The following TTLL5 variants were observed in gnomAD, a reference collection of about 807,000 sequenced individuals.
TTLL5 encodes tubulin polyglutamylase TTLL5.
In TTLL5, 132 loss-of-function variants were observed where a neutral mutation model predicts 168.4. The observed-to-expected ratio is 0.78, with a 90% confidence interval of 0.68 to 0.91. The LOEUF (loss-of-function observed/expected upper bound fraction) is 0.91. Ranked by LOEUF, TTLL5 falls within the 40% of genes least tolerant of loss-of-function variation. The pLI, the probability that TTLL5 is intolerant of heterozygous loss-of-function variation, is 0.00. For synonymous variants in TTLL5, 546 were observed against 558.6 expected (o/e 0.98, Z 0.32); for missense variants, 1,545 against 1,581.5 (o/e 0.98, Z 0.39).
chr14:75,876,823 T>C (rs1249379339), intron 29 of TTLL5, among the ~76,000 whole-genome samples: 2 of 152,220 alleles, frequency 1.3e-5, no homozygotes, highest in African/African-American at 4.8e-5. Flanking sequence ...TTACTCTCAC[T>C]CTCACCTTGG....
At chr14:75,949,935 A>C (rs1374263441) in intron 31 of TTLL5, among the ~76,000 whole-genome samples, 1 of 152,134 alleles carries the variant, frequency 6.6e-6, no homozygotes, top group African/African-American at 2.4e-5. Context: ...AGAGGGTATT[A>C]GTTGTTTATT....
intron 27 of TTLL5, among the ~76,000 whole-genome samples, chr14:75,807,314 G>A (rs577894029): frequency 6.6e-6 from 1 of 152,230 alleles, no homozygotes; most frequent in African/African-American, 2.4e-5. Context: ...CAGGTGCGGT[G>A]GCACGTGCCT....
chr14:75,783,187 T>C lies in TTLL5; in HGVS notation c.2643T>C (p.Tyr881=), dbSNP rs1449880460. The C allele has an allele frequency of 6.2e-7, 1 of 1,613,484 alleles. No individual in the cohort carries two copies. ...CAGAAAAAGAGGCAAAATTAGTTTATAGCAATTCCTCCTCTGGTCCTACTG... is the reference window on the plus strand; with the variant it reads ...CAGAAAAAGAGGCAAAATTAGTTTACAGCAATTCCTCCTCTGGTCCTACTG... ...TSAEKEAKLV[Y]SNSSSGPTAT... Residue 881 remains tyrosine (Y), a synonymous_variant, in exon 26 of 32, where the codon TAT becomes TAC. Coordinates refer to ENST00000298832, the MANE Select transcript of TTLL5 (RefSeq NM_015072.5).
chr14:75,811,430 AT>A (rs1305076074), intron 27 of TTLL5, among the ~76,000 whole-genome samples: 2 of 151,830 alleles, frequency 1.3e-5, no homozygotes, highest in African/African-American at 4.8e-5. Flanking sequence ...TTGTCTGACG[AT>A]TTTTCTTTCC....
chr14:75,953,636 A>G (rs955797550), intron 31 of TTLL5, among the ~76,000 whole-genome samples: 8 of 152,178 alleles, frequency 5.3e-5, no homozygotes, highest in Non-Finnish European at 1.0e-4. Flanking sequence ...TTCTTAAACT[A>G]GATGGTGAGC....
chr14:75,877,508 C>T (rs2031559615), intron 29 of TTLL5, among the ~76,000 whole-genome samples: 1 of 152,146 alleles, frequency 6.6e-6, no homozygotes, highest in African/African-American at 2.4e-5. Context: ...TTCTCTGAGT[C>T]TTCTTGCTGT....
At chr14:75,834,229 T>A (rs1895750147) in intron 28 of TTLL5, among the ~76,000 whole-genome samples, 1 of 151,830 alleles carries the variant, frequency 6.6e-6, no homozygotes, top group African/African-American at 2.4e-5. Flanking sequence ...ATGGCGGAGA[T>A]TTGTGCAAAG....
intron 12 of TTLL5, among the ~76,000 whole-genome samples, chr14:75,730,586 A>G (rs534500196): frequency 6.6e-6 from 1 of 152,312 alleles, no homozygotes; most frequent in East Asian, 1.9e-4. Flanking sequence ...ATACTGCCAT[A>G]TATCTGTAAA....
At chr14:75,680,605 T>A (rs1241158270) in intron 3 of TTLL5, among the ~76,000 whole-genome samples, 1 of 150,320 alleles carries the variant, frequency 6.7e-6, no homozygotes, top group African/African-American at 2.5e-5. Flanking sequence ...GAGGGCTATC[T>A]AGAGCAGGGA....
At chr14:75,862,720 C>T (rs1250958882) in intron 28 of TTLL5, among the ~76,000 whole-genome samples, 1 of 151,954 alleles carries the variant, frequency 6.6e-6, no homozygotes, top group Non-Finnish European at 1.5e-5. Context: ...GTGGGCAGAT[C>T]GCTTGAGCCC....
At chr14:75,893,364 A>C (rs1261196561) in intron 30 of TTLL5, among the ~76,000 whole-genome samples, 1 of 152,238 alleles carries the variant, frequency 6.6e-6, no homozygotes, top group Non-Finnish European at 1.5e-5. Flanking sequence ...AGAAGTCTAA[A>C]TATTACCAGG....
rs185887904 is a variant in TTLL5, at chr14:75,695,620, C to T, written c.503-3568C>T. Among the ~76,000 whole-genome samples, 112 of 152,282 alleles carry T rather than the reference C, an allele frequency of 7.4e-4. No individual in the cohort carries two copies. In the Middle Eastern group the frequency reaches 0.017, roughly 23 times the overall value. ...CCTGGACACCAGCTTTAAAATTTCT[C>T]TCTTTTGTACTCTTTCCCTTTATTT... is the stretch of plus-strand genomic sequence containing the variant. On this transcript the variant is annotated intron_variant, in intron 6 of 31. Coordinates refer to ENST00000298832, the MANE Select transcript of TTLL5 (RefSeq NM_015072.5).
intron 17 of TTLL5, among the ~76,000 whole-genome samples, chr14:75,750,460 G>A (rs542059286): frequency 8.1e-5 from 12 of 148,968 alleles, no homozygotes; most frequent in South Asian, 4.4e-4. Context: ...CTGCCACCCC[G>A]AGACAGCAAC....
At chr14:75,919,459 A>C (rs1379665682) in intron 31 of TTLL5, among the ~76,000 whole-genome samples, 2 of 152,196 alleles carry the variant, frequency 1.3e-5, no homozygotes, top group Non-Finnish European at 2.9e-5. Flanking sequence ...CTTATATATC[A>C]AATAGCCAAT....
At chr14:75,842,206 C>T (rs1896297108) in intron 28 of TTLL5, among the ~76,000 whole-genome samples, 1 of 152,190 alleles carries the variant, frequency 6.6e-6, no homozygotes, top group East Asian at 1.9e-4. Flanking sequence ...CCCAGTATAT[C>T]CTCCAATCTG....
intron 12 of TTLL5, among the ~76,000 whole-genome samples, chr14:75,723,198 A>C (rs964806911): frequency 6.6e-6 from 1 of 152,062 alleles, no homozygotes; most frequent in African/African-American, 2.4e-5. Context: ...CAAAGGATCC[A>C]CCTGCCTCAG....
intron 28 of TTLL5, among the ~76,000 whole-genome samples, chr14:75,839,829 A>G (rs1896124403): frequency 1.3e-5 from 2 of 152,194 alleles, no homozygotes; most frequent in African/African-American, 4.8e-5. Context: ...AATGTTGAGC[A>G]TGTTTTTGAT....
At chr14:75,932,750 A>G (rs1006752116) in intron 31 of TTLL5, among the ~76,000 whole-genome samples, 11 of 152,136 alleles carry the variant, frequency 7.2e-5, no homozygotes, top group African/African-American at 2.7e-4. Context: ...TTCATTTAGA[A>G]ATATTTTTAA....
intron 2 of TTLL5, among the ~76,000 whole-genome samples, chr14:75,667,813 T>C (rs1038898279): frequency 7.2e-6 from 1 of 138,256 alleles, no homozygotes; most frequent in African/African-American, 2.7e-5. Context: ...CAGGCTGGAG[T>C]GTAGTGGCAC....
Sources: gnomAD v4.1 joint callset for allele counts (sites outside exome capture counted in the v4.1 genomes callset) on GRCh38, gnomAD v4.1.1 for gene constraint, MANE v1.5 for transcripts, NCBI Gene and HGNC (gene_info 2026-07-23, HGNC 2026-07-21) for gene names.